CREM: variants seen among roughly 807,000 people sequenced by gnomAD.
The protein encoded by CREM is cAMP responsive element modulator.
Under a neutral mutation model 37.3 loss-of-function variants are expected in CREM, and 13 were observed. The ratio of observed to expected loss-of-function variants is 0.35; its 90% CI spans 0.23 to 0.55. CREM has a LOEUF of 0.55. Ranked by LOEUF, CREM falls within the 20% of genes least tolerant of loss-of-function variation. The pLI is 0.88. For missense variants in CREM, 296 were observed against 362.3 expected, an observed-to-expected ratio of 0.82 and a Z score of 1.49; for synonymous variants, 124 against 120.2, an observed-to-expected ratio of 1.03 and a Z score of -0.21.
chr10:35,178,637 C>G (rs1000908140), intron 3 of CREM, among the ~76,000 whole-genome samples: 2 of 152,212 alleles, frequency 1.3e-5, no homozygotes, highest in Non-Finnish European at 1.5e-5. Context: ...CACTCTTTCC[C>G]TAGTATTTCT....
At chr10:35,175,678 G>C in intron 3 of CREM, 2 of 1,614,118 alleles carry the variant, frequency 1.2e-6, no homozygotes, top group South Asian at 2.2e-5. Context: ...GAAAATGACT[G>C]TTCCAGGACA....
intron 3 of CREM, among the ~76,000 whole-genome samples, chr10:35,161,674 A>T (rs1181934010): frequency 3.5e-5 from 5 of 144,510 alleles, no homozygotes; most frequent in Non-Finnish European, 7.7e-5. Flanking sequence ...AAAAAAAAAA[A>T]GCTCGACATC....
At chr10:35,190,591 T>C (rs2094867698) in intron 6 of CREM, among the ~76,000 whole-genome samples, 1 of 152,210 alleles carries the variant, frequency 6.6e-6, no homozygotes, top group South Asian at 2.1e-4. Context: ...TTCTTTCATA[T>C]GCATTTGGAA....
chr10:35,173,440 C>G (rs538951544), intron 3 of CREM, among the ~76,000 whole-genome samples: 4 of 152,244 alleles, frequency 2.6e-5, no homozygotes, highest in African/African-American at 9.6e-5. Flanking sequence ...TCAGTTAAAC[C>G]TGACATTAAA....
rs74919023 is a variant in CREM, at chr10:35,163,558, G to A, written c.168+15067G>A. ...ACTTAGGCCAGGTGCAGTGGCTCAC[G>A]TGTAATCCCAGCACTTTGGGAAGCT... On this transcript the variant is annotated intron_variant, in intron 3 of 7. Transcript: ENST00000685392. 4.6e-3 allele frequency among the ~76,000 whole-genome samples: 693 copies of A among 152,022 alleles called. 5 individuals carry two copies. The highest frequency in any genetic ancestry group is 0.026 in the East Asian group (136 of 5,150).
rs114279105 is a variant in CREM, at chr10:35,146,544, C to T, written c.45-1824C>T. 2.8e-3 allele frequency among the ~76,000 whole-genome samples: 424 copies of T among 152,194 alleles called. 2 individuals carry two copies. The highest frequency in any genetic ancestry group is 9.8e-3 in the African/African-American group (405 of 41,528). ...TTTCTTTGGAAACTGCTCACATAAC[C>T]AAAAGTATAACAGTAGGAATTAACA... On this transcript the variant is annotated intron_variant, in intron 2 of 7. Transcript: ENST00000685392.
In CREM at chr10:35,212,437, T is replaced by G. The variant is rs547454008; in HGVS notation, c.*1039T>G. 6.5e-6 allele frequency: 1 copy of G among 152,780 alleles called. No homozygotes were observed. Among genetic ancestry groups the G allele is most frequent in the African/African-American group, 2.4e-5 (1 of 41,468 alleles). The allele number at this position is 152,780 out of a possible 1,614,324, so 9.5% of individuals were successfully genotyped here. On this transcript the variant is annotated 3_prime_UTR_variant, in exon 8 of 8. Coordinates refer to ENST00000685392, the MANE Select transcript of CREM (RefSeq NM_183011.2). The stretch of plus-strand genomic sequence containing the variant: ...GAACATTTACTACAGTTTTTAACTC[T>G]ACTGTGTAATATAAAAGATCTTGCA...
intron 3 of CREM, among the ~76,000 whole-genome samples, chr10:35,165,055 TCAAAA>T (rs2093473148): frequency 2.2e-5 from 1 of 45,784 alleles, no homozygotes; most frequent in African/African-American, 9.9e-5. Flanking sequence ...AGGCTCCATC[TCAAAA>T]AAAAAAAAAA....
In CREM at chr10:35,160,349, C is replaced by G. The variant is rs148186806; in HGVS notation, c.168+11858C>G. ...CTGGATGTTGTCCTGGGTGTGCCAG[C>G]GAGTGGGCAGTGAGGGAATGTGAAG... is the stretch of plus-strand genomic sequence containing the variant. On this transcript the variant is annotated intron_variant, in intron 3 of 7. Coordinates refer to ENST00000685392, the MANE Select transcript of CREM (RefSeq NM_183011.2). Among the ~76,000 whole-genome samples, 47 of 152,182 alleles carry G rather than the reference C, an allele frequency of 3.1e-4. 3 individuals are homozygous for G. In the East Asian group the frequency reaches 8.5e-3, roughly 27 times the overall value.
chr10:35,178,751 A>G, intron 3 of CREM, 138 bp from the exon 4 acceptor site: 1 of 603,520 alleles, frequency 1.7e-6, no homozygotes, highest in Non-Finnish European at 2.9e-6. Flanking sequence ...TTCAGTGCAG[A>G]TTCACTGTGT....
chr10:35,164,804 CT>C (rs1403156304), intron 3 of CREM, among the ~76,000 whole-genome samples: 1 of 152,138 alleles, frequency 6.6e-6, no homozygotes, highest in Non-Finnish European at 1.5e-5. Flanking sequence ...AATCCCAGCA[CT>C]TTGGGAGCCT....
At chr10:35,142,365 C>T (rs1450442554) in intron 2 of CREM, among the ~76,000 whole-genome samples, 1 of 152,062 alleles carries the variant, frequency 6.6e-6, no homozygotes, top group African/African-American at 2.4e-5. Flanking sequence ...AGGCAGGAGG[C>T]AAGGGAACAT....
At chr10:35,173,468 A>G (rs976965786) in intron 3 of CREM, among the ~76,000 whole-genome samples, 2 of 152,242 alleles carry the variant, frequency 1.3e-5, no homozygotes, top group Admixed American at 1.3e-4. Flanking sequence ...GTAAAAATGT[A>G]AAACAGTGCT....
intron 3 of CREM, among the ~76,000 whole-genome samples, chr10:35,166,038 T>C (rs886958179): frequency 1.3e-5 from 2 of 152,168 alleles, no homozygotes; most frequent in African/African-American, 4.8e-5. Context: ...ATGATCCTTT[T>C]CCCCCTTTTC....
chr10:35,209,377 C>G (rs1588942809), intron 7 of CREM: 1 of 985,164 alleles, frequency 1.0e-6, no homozygotes, highest in African/African-American at 1.7e-5. Context: ...CAGACACATG[C>G]AAGCCTGAAA....
intron 1 of CREM, among the ~76,000 whole-genome samples, chr10:35,129,347 G>A (rs2088848354): frequency 6.6e-6 from 1 of 152,166 alleles, no homozygotes; most frequent in Admixed American, 6.5e-5. Flanking sequence ...GGAATCCATA[G>A]TTAATAGGCT....
chr10:35,162,311 T>C (rs1776268913), intron 3 of CREM, among the ~76,000 whole-genome samples: 2 of 152,090 alleles, frequency 1.3e-5, no homozygotes, highest in African/African-American at 4.8e-5. Context: ...CAAGAATATA[T>C]AATTACAGTT....
chr10:35,192,789 CA>C (rs2094971426), intron 6 of CREM, among the ~76,000 whole-genome samples: 1 of 152,172 alleles, frequency 6.6e-6, no homozygotes, highest in Non-Finnish European at 1.5e-5. Flanking sequence ...GGTGGGGATA[CA>C]AACATTCAGT....
intron 5 of CREM, among the ~76,000 whole-genome samples, chr10:35,182,564 G>A (rs1207228361): frequency 1.3e-5 from 2 of 152,046 alleles, no homozygotes. Context: ...AACTAAATGT[G>A]TATCAAAGTT....
Sources: allele counts gnomAD v4.1 joint callset (sites outside exome capture counted in the v4.1 genomes callset), GRCh38; gene constraint gnomAD v4.1.1; transcripts MANE v1.5; gene names NCBI Gene and HGNC (gene_info 2026-07-23, HGNC 2026-07-21).